The following NEMP2 variants were observed in gnomAD, a reference collection of about 807,000 sequenced individuals.
NEMP2 encodes the protein nuclear envelope integral membrane protein 2, also known as UPF0571 transmembrane protein.
NEMP2 carries 53 observed loss-of-function variants against 54.2 expected under a neutral mutation model. The observed-to-expected ratio is 0.98, with a 90% confidence interval of 0.78 to 1.23. NEMP2 has a LOEUF of 1.23. Ranked by LOEUF, NEMP2 falls within the 50% of genes most tolerant of loss-of-function variation. The pLI is 0.00. For synonymous variants in NEMP2, 197 were observed against 190.3 expected (o/e 1.04, Z -0.29); for missense variants, 455 against 511.3 (o/e 0.89, Z 1.06).
the NEMP2 span, among the ~76,000 whole-genome samples, chr2:190,594,984 A>G: frequency 2.6e-5 from 4 of 152,236 alleles, no homozygotes; most frequent in Admixed American, 1.3e-4. The surrounding 1 kb of genome is among the most constrained non-coding windows in gnomAD (Gnocchi z 5.6). Flanking sequence ...GCATCCACAC[A>G]TACAATTTTT....
intron 2 of NEMP2, among the ~76,000 whole-genome samples, chr2:190,524,738 G>A (rs1209468582): frequency 6.6e-6 from 1 of 152,100 alleles, no homozygotes; most frequent in Non-Finnish European, 1.5e-5. Context: ...CCTAGATAAT[G>A]TAAATATCCA....
chr2:190,500,227 T>G, downstream of NEMP2: 1 of 1,613,924 alleles, frequency 6.2e-7, no homozygotes, highest in Non-Finnish European at 8.5e-7. This position sits in a 1 kb window ranked among gnomAD's most constrained non-coding sequence, Gnocchi z 5.3. Flanking sequence ...GAGGGCATCC[T>G]GCTCATCTCA....
rs1690241581 is a variant in NEMP2 at position 190,508,220 on chromosome 2, T to C, written c.*969A>G. 1 of 152,256 alleles carries C rather than the reference T, an allele frequency of 6.6e-6. No individual in the cohort carries two copies. Among genetic ancestry groups the C allele is most frequent in the Admixed American group, 6.5e-5 (1 of 15,290 alleles). The allele number at this position is 152,256 out of a possible 1,614,324, so 9.4% of individuals were successfully genotyped here. A position where few individuals can be genotyped will look rare whatever the true frequency, so the allele number is the denominator to read the frequency against. On this transcript the variant is annotated 3_prime_UTR_variant, in exon 9 of 9. Transcript: ENST00000409150. This position sits in a 1 kb window ranked among gnomAD's most constrained non-coding sequence, Gnocchi z 4.3. Reference sequence around the variant, plus strand: ...ATAGTATCTAATCCTTACGTATGTATATAAAAATCTTACGTATGTATAAAA... The same window carrying C: ...ATAGTATCTAATCCTTACGTATGTACATAAAAATCTTACGTATGTATAAAA...
chr2:190,627,879 T>C, the NEMP2 span: 1 of 152,242 alleles, frequency 6.6e-6, no homozygotes, highest in Non-Finnish European at 1.5e-5. The surrounding 1 kb of genome is among the most constrained non-coding windows in gnomAD (Gnocchi z 4.4). Context: ...CAAACGTACA[T>C]TTTTCTATCC....
chr2:190,422,502 T>G, the NEMP2 span, among the ~76,000 whole-genome samples: 1 of 152,226 alleles, frequency 6.6e-6, no homozygotes, highest in Admixed American at 6.5e-5. Context: ...AAAATGTCTT[T>G]ATTTCACCCA....
intron 4 of NEMP2, among the ~76,000 whole-genome samples, chr2:190,517,953 C>A (rs1243515567): frequency 6.6e-6 from 1 of 152,164 alleles, no homozygotes; most frequent in African/African-American, 2.4e-5. Context: ...TTCCCTAAGT[C>A]AGTATCTGCT....
the NEMP2 span, among the ~76,000 whole-genome samples, chr2:190,604,979 T>A: frequency 6.6e-6 from 1 of 152,176 alleles, no homozygotes; most frequent in African/African-American, 2.4e-5. The surrounding 1 kb of genome is among the most constrained non-coding windows in gnomAD (Gnocchi z 4.5). Flanking sequence ...CTTTTCCCTT[T>A]TTCATGCTCT....
chr2:190,523,513 T>C lies in NEMP2; in HGVS notation c.213+1750A>G, dbSNP rs1054486414. 5.3e-5 allele frequency among the ~76,000 whole-genome samples: 8 copies of C among 152,194 alleles called. No homozygotes were observed. The highest frequency in any genetic ancestry group is 5.9e-5 in the Non-Finnish European group (4 of 68,032). On this transcript the variant is annotated intron_variant, in intron 2 of 8. Transcript: ENST00000409150. This position sits in a 1 kb window ranked among gnomAD's most constrained non-coding sequence, Gnocchi z 5.3. ...ACTCACGGTTTCTAATAGGTAGATA[T>C]AGATGTATGTGCAGGCCTATGCGTG...
upstream of NEMP2, among the ~76,000 whole-genome samples, chr2:190,538,816 T>C (rs1691458996): frequency 6.6e-6 from 1 of 152,230 alleles, no homozygotes; most frequent in African/African-American, 2.4e-5. The surrounding 1 kb of genome is among the most constrained non-coding windows in gnomAD (Gnocchi z 4.1). Flanking sequence ...TATTTGGGGT[T>C]TTTTGCTATT....
chr2:190,636,096 C>T, the NEMP2 span, among the ~76,000 whole-genome samples: 23 of 152,180 alleles, frequency 1.5e-4, no homozygotes, highest in Non-Finnish European at 2.6e-4. Context: ...AACTCCTGGA[C>T]TCAGGTGATC....
At chr2:190,647,016 T>G in the NEMP2 span, among the ~76,000 whole-genome samples, 14 of 152,312 alleles carry the variant, frequency 9.2e-5, no homozygotes, top group Admixed American at 2.0e-4. Flanking sequence ...TGCCTGAACA[T>G]TACCTTCCCC....
At chr2:190,639,576 C>T in the NEMP2 span, among the ~76,000 whole-genome samples, 2 of 149,602 alleles carry the variant, frequency 1.3e-5, no homozygotes, top group Middle Eastern at 7.0e-3. Flanking sequence ...GAAGCAGGAT[C>T]TTTGTTAAGT....
the NEMP2 span, among the ~76,000 whole-genome samples, chr2:190,469,223 G>C: frequency 6.6e-6 from 1 of 152,170 alleles, no homozygotes; most frequent in Admixed American, 6.5e-5. This position sits in a 1 kb window ranked among gnomAD's most constrained non-coding sequence, Gnocchi z 5.3. Flanking sequence ...ATAGTAGTTA[G>C]TGAATGATAG....
chr2:190,471,033 T>A, the NEMP2 span, among the ~76,000 whole-genome samples: 5 of 152,144 alleles, frequency 3.3e-5, no homozygotes, highest in Non-Finnish European at 2.9e-5. This position sits in a 1 kb window ranked among gnomAD's most constrained non-coding sequence, Gnocchi z 4.7. Context: ...TTATTGTTTC[T>A]AATAATTAGA....
Position 190,525,043 on chromosome 2 carries a change from G to T in NEMP2, c.213+220C>A, listed in dbSNP as rs1350495090. ...TTAGATAGTATATTCATTGGGAGTG[G>T]CTTGGGAGGGGCTGAGGGAGAATAT... On this transcript the variant is annotated intron_variant, in intron 2 of 8. Coordinates refer to ENST00000409150, the MANE Select transcript of NEMP2 (RefSeq NM_001142645.2). This position sits in a 1 kb window ranked among gnomAD's most constrained non-coding sequence, Gnocchi z 5.0. Among the ~76,000 whole-genome samples the T allele has an allele frequency of 6.6e-6, 1 of 152,190 alleles. No homozygotes were observed. The highest frequency in any genetic ancestry group is 2.4e-5 in the African/African-American group (1 of 41,444).
At chr2:190,558,887 C>CAT in the NEMP2 span, among the ~76,000 whole-genome samples, 3 of 152,042 alleles carry the variant, frequency 2.0e-5, no homozygotes, top group Non-Finnish European at 2.9e-5. This position sits in a 1 kb window ranked among gnomAD's most constrained non-coding sequence, Gnocchi z 4.4. Context: ...TTATGGATAG[C>CAT]ATATATATAT....
At chr2:190,526,395 G>A (rs922260201) in intron 1 of NEMP2, among the ~76,000 whole-genome samples, 2 of 152,194 alleles carry the variant, frequency 1.3e-5, no homozygotes, top group South Asian at 4.1e-4. Flanking sequence ...GCTGAGAATA[G>A]ATCTACACCA....
chr2:190,614,921 G>T, the NEMP2 span, among the ~76,000 whole-genome samples: 6 of 152,184 alleles, frequency 3.9e-5, no homozygotes, highest in Non-Finnish European at 8.8e-5. The surrounding 1 kb of genome is among the most constrained non-coding windows in gnomAD (Gnocchi z 5.7). Flanking sequence ...AGGGAATGGG[G>T]TTTAAGCCGT....
In NEMP2 at chr2:190,513,783, C is replaced by T. The variant is rs143578708; in HGVS notation, c.953+670G>A. 1.4e-4 allele frequency among the ~76,000 whole-genome samples: 22 copies of T among 152,274 alleles called. No homozygotes were observed. Among genetic ancestry groups the T allele is most frequent in the Admixed American group, 3.9e-4 (6 of 15,290 alleles). Reference sequence around the variant, plus strand: ...AAGCTCTCCTGGCTTTCTCTATATACCCTTAGTTCCTGGGCAAGTCTCCAT... The same window carrying T: ...AAGCTCTCCTGGCTTTCTCTATATATCCTTAGTTCCTGGGCAAGTCTCCAT... On this transcript the variant is annotated intron_variant, in intron 7 of 8. Transcript: ENST00000409150. This position sits in a 1 kb window ranked among gnomAD's most constrained non-coding sequence, Gnocchi z 5.3.
Sources: allele counts gnomAD v4.1 joint callset (sites outside exome capture counted in the v4.1 genomes callset), GRCh38; gene constraint gnomAD v4.1.1; non-coding constraint Gnocchi (gnomAD v3.1); transcripts MANE v1.5; gene names NCBI Gene and HGNC (gene_info 2026-07-23, HGNC 2026-07-21).